The following SAMHD1 variants were observed in gnomAD, a reference collection of about 807,000 sequenced individuals.
The protein encoded by SAMHD1 is SAM and HD domain containing deoxynucleoside triphosphate triphosphohydrolase 1.
In SAMHD1, 54 loss-of-function variants were observed where a neutral mutation model predicts 79.6. The ratio of observed to expected loss-of-function variants is 0.68; its 90% CI spans 0.55 to 0.85. The LOEUF (loss-of-function observed/expected upper bound fraction) is 0.85. Among genes scored for constraint, SAMHD1 ranks in the 40% least tolerant of loss-of-function variants. SAMHD1 has a pLI of 0.00. For synonymous variants in SAMHD1, 260 were observed against 264.1 expected, an observed-to-expected ratio of 0.98 and a Z score of 0.15; for missense variants, 663 against 782.7, an observed-to-expected ratio of 0.85 and a Z score of 1.82.
chr20:36,942,483 G>A (rs2063652826), intron 2 of SAMHD1, among the ~76,000 whole-genome samples: 3 of 152,156 alleles, frequency 2.0e-5, no homozygotes, highest in Middle Eastern at 3.4e-3. Context: ...AAAACCAGGG[G>A]GTTGTTTTGT....
chr20:36,910,662 G>A (rs192305698), intron 11 of SAMHD1, among the ~76,000 whole-genome samples: 11 of 151,408 alleles, frequency 7.3e-5, no homozygotes, highest in African/African-American at 1.9e-4. Context: ...CCCAAGAGGT[G>A]GAGGTTGCAG....
intron 1 of SAMHD1, among the ~76,000 whole-genome samples, chr20:36,950,573 A>G (rs1434217914): frequency 6.6e-6 from 1 of 152,212 alleles, no homozygotes; most frequent in Non-Finnish European, 1.5e-5. Flanking sequence ...AGTAGAATTC[A>G]CAAGGATGGA....
At chr20:36,904,097 T>G (rs539886653) in intron 13 of SAMHD1, 60 bp downstream of exon 13, 1 of 1,131,994 alleles carries the variant, frequency 8.8e-7, no homozygotes, top group East Asian at 2.3e-5. Flanking sequence ...ACTTTTATAA[T>G]GGTGGGTGCT....
intron 13 of SAMHD1, 143 bp downstream of exon 13, chr20:36,904,014 A>C: frequency 1.6e-6 from 1 of 644,706 alleles, no homozygotes; most frequent in Non-Finnish European, 2.8e-6. Flanking sequence ...TTTGTGGTTA[A>C]TAATATTGGT....
At chr20:36,938,802 C>T (rs1242596280) in intron 3 of SAMHD1, among the ~76,000 whole-genome samples, 1 of 151,926 alleles carries the variant, frequency 6.6e-6, no homozygotes, top group Non-Finnish European at 1.5e-5. Flanking sequence ...GCCGAGATTG[C>T]ACCACTGCAC....
At chr20:36,918,475 T>G (rs1003674837) in intron 7 of SAMHD1, among the ~76,000 whole-genome samples, 1 of 151,484 alleles carries the variant, frequency 6.6e-6, no homozygotes, top group Non-Finnish European at 1.5e-5. Flanking sequence ...TTTTTTTTAA[T>G]GAATAAAATA....
chr20:36,892,483 A>G lies in SAMHD1; in HGVS notation c.*449T>C, dbSNP rs1020537057. The G allele has an allele frequency of 5.4e-6, 1 of 185,254 alleles. No individual in the cohort carries two copies. The highest frequency in any genetic ancestry group is 1.1e-5 in the Non-Finnish European group (1 of 87,746). The allele number at this position is 185,254 out of a possible 1,614,324, so 11.5% of individuals were successfully genotyped here. On this transcript the variant is annotated 3_prime_UTR_variant, in exon 16 of 16. Transcript: ENST00000646673. ...ATTTCTACATTAAAAACAAAAAACAATCATCTGTCATAAAAGTTCAGAGTA... is the reference window on the plus strand; with the variant it reads ...ATTTCTACATTAAAAACAAAAAACAGTCATCTGTCATAAAAGTTCAGAGTA...
chr20:36,936,652 A>G (rs770414679), intron 3 of SAMHD1, among the ~76,000 whole-genome samples: 3 of 151,768 alleles, frequency 2.0e-5, no homozygotes, highest in Non-Finnish European at 4.4e-5. Context: ...CTTCACTGTA[A>G]ATTTTTCAGG....
chr20:36,916,180 C>T (rs1424051011), intron 9 of SAMHD1, among the ~76,000 whole-genome samples: 1 of 151,908 alleles, frequency 6.6e-6, no homozygotes, highest in Non-Finnish European at 1.5e-5. Flanking sequence ...AAGAGAGAGA[C>T]TCTGGAACCA....
At chr20:36,902,833 G>A (rs1990330228) in intron 13 of SAMHD1, among the ~76,000 whole-genome samples, 1 of 151,876 alleles carries the variant, frequency 6.6e-6, no homozygotes, top group South Asian at 2.1e-4. Flanking sequence ...TGCCTTCTGG[G>A]TTCAAGCAAT....
At chr20:36,924,102 A>T (rs2063522430) in intron 6 of SAMHD1, among the ~76,000 whole-genome samples, 1 of 152,120 alleles carries the variant, frequency 6.6e-6, no homozygotes, top group Admixed American at 6.6e-5. Context: ...AATATAAAAA[A>T]TTAGCTGGGC....
intron 4 of SAMHD1, among the ~76,000 whole-genome samples, chr20:36,932,352 C>CAA (rs71186091): frequency 1.1e-3 from 39 of 34,142 alleles, no homozygotes; most frequent in African/African-American, 2.5e-3. Context: ...ACTCCGTCTC[C>CAA]AAAAAAAAAA....
At chr20:36,904,023 G>A (rs572554007) in intron 13 of SAMHD1, 134 bp downstream of exon 13, 1 of 684,348 alleles carries the variant, frequency 1.5e-6, no homozygotes, top group Non-Finnish European at 2.7e-6. Context: ...AATAATATTG[G>A]TTCTCTTTGT....
At chr20:36,899,921 C>A (rs1439128640) in intron 13 of SAMHD1, among the ~76,000 whole-genome samples, 1 of 152,022 alleles carries the variant, frequency 6.6e-6, no homozygotes, top group Non-Finnish European at 1.5e-5. Context: ...TGGTGAAACC[C>A]CATCTCAACT....
chr20:36,912,446 A>T lies in SAMHD1; in HGVS notation c.1154+15T>A. 1 of 1,560,502 alleles carries T rather than the reference A, an allele frequency of 6.4e-7. No homozygotes were observed. The highest frequency in any genetic ancestry group is 8.8e-7 in the Non-Finnish European group (1 of 1,131,442). ...AAGGAAAATTTTATAGGGAAATGAC[A>T]ATCAAGTTTCTTACATTGTATCAAT... On this transcript the variant is annotated intron_variant, in intron 10 of 15. Coordinates refer to ENST00000646673, the MANE Select transcript of SAMHD1 (RefSeq NM_015474.4).
At chr20:36,902,818 ACCTCTG>A (rs1453382571) in intron 13 of SAMHD1, among the ~76,000 whole-genome samples, 1 of 150,606 alleles carries the variant, frequency 6.6e-6, no homozygotes, top group Non-Finnish European at 1.5e-5. Flanking sequence ...GCTCACTGCA[ACCTCTG>A]CCTTCTGGGT....
chr20:36,913,377 G>A (rs2063456874), intron 9 of SAMHD1, among the ~76,000 whole-genome samples: 1 of 151,556 alleles, frequency 6.6e-6, no homozygotes, highest in Admixed American at 6.6e-5. Context: ...GCCGAGGTGG[G>A]CAGATCACCT....
intron 11 of SAMHD1, among the ~76,000 whole-genome samples, chr20:36,910,388 A>G (rs1026090498): frequency 6.6e-6 from 1 of 151,594 alleles, no homozygotes; most frequent in African/African-American, 2.4e-5. Flanking sequence ...GGATGACAGA[A>G]TAAAATCTTG....
In SAMHD1 at chr20:36,893,524, C is replaced by G. The variant is rs56363193; in HGVS notation, c.1747-458G>C. ...GCAGAATTTAAATTTTTCTCTGCAT[C>G]AAAGCTCTAACGTTGGTCCCATCAG... On this transcript the variant is annotated intron_variant, in intron 15 of 15. Transcript: ENST00000646673. 1,536 of 263,592 alleles carry G rather than the reference C, an allele frequency of 5.8e-3. 8 individuals are homozygous for G. Among genetic ancestry groups the G allele is most frequent in the South Asian group, 0.015 (143 of 9,548 alleles). 16.3% of individuals were successfully genotyped at this position (263,592 alleles called of 1,614,324 possible). A position where few individuals can be genotyped will look rare whatever the true frequency, so the allele number is the denominator to read the frequency against.
Sources: gnomAD v4.1 joint callset for allele counts (sites outside exome capture counted in the v4.1 genomes callset) on GRCh38, gnomAD v4.1.1 for gene constraint, MANE v1.5 for transcripts, NCBI Gene and HGNC (gene_info 2026-07-23, HGNC 2026-07-21) for gene names.